RBFOX1: variants seen among roughly 807,000 people sequenced by gnomAD.
The protein encoded by RBFOX1 is RNA binding protein fox-1 homolog 1.
A neutral mutation model predicts 57.7 loss-of-function variants in RBFOX1; 8 were observed. That is an observed-to-expected ratio of 0.14 (90% CI 0.08 to 0.25). The LOEUF (loss-of-function observed/expected upper bound fraction) is 0.25. Ranked by LOEUF, RBFOX1 falls within the 10% of genes least tolerant of loss-of-function variation. RBFOX1 has a pLI of 1.00. For missense variants in RBFOX1, 611 were observed against 548.5 expected (o/e 1.11, Z -1.14); for synonymous variants, 326 against 222.4 (o/e 1.47, Z -4.15).
intron 3 of RBFOX1, among the ~76,000 whole-genome samples, chr16:5,787,099 A>G (rs1370092765): frequency 6.6e-6 from 1 of 152,216 alleles, no homozygotes; most frequent in Non-Finnish European, 1.5e-5. Flanking sequence ...GCGCCACTGC[A>G]TTCCAGCCTG....
intron 2 of RBFOX1, among the ~76,000 whole-genome samples, chr16:5,572,660 C>A (rs1199796138): frequency 6.6e-6 from 1 of 152,132 alleles, no homozygotes; most frequent in Non-Finnish European, 1.5e-5. Flanking sequence ...TGGAGAAAAT[C>A]TGCAGGGGAG....
chr16:5,745,561 A>G (rs939865980), intron 3 of RBFOX1, among the ~76,000 whole-genome samples: 4 of 152,212 alleles, frequency 2.6e-5, no homozygotes, highest in Non-Finnish European at 4.4e-5. Flanking sequence ...TCCCACCAGC[A>G]GTGTAAAAGT....
chr16:6,885,275 C>T (rs541225693), intron 3 of RBFOX1, among the ~76,000 whole-genome samples: 2 of 152,172 alleles, frequency 1.3e-5, no homozygotes, highest in Non-Finnish European at 2.9e-5. Context: ...TGGAAACTTG[C>T]TACAGACGCG....
chr16:5,650,527 C>G (rs1459419083), intron 3 of RBFOX1, among the ~76,000 whole-genome samples: 1 of 152,134 alleles, frequency 6.6e-6, no homozygotes. Flanking sequence ...AAAATCAATT[C>G]ATTCTTTGGC....
At chr16:7,161,671 G>A (rs1394297498) in intron 4 of RBFOX1, among the ~76,000 whole-genome samples, 3 of 152,178 alleles carry the variant, frequency 2.0e-5, no homozygotes, top group Non-Finnish European at 4.4e-5. Flanking sequence ...GTTCACAAAT[G>A]CAGAAATAAG....
At chr16:6,034,647 G>T (rs905205787) in intron 1 of RBFOX1, among the ~76,000 whole-genome samples, 9 of 152,142 alleles carry the variant, frequency 5.9e-5, no homozygotes, top group Non-Finnish European at 1.2e-4. Context: ...AAGTTTGAAC[G>T]TGAATTTTGG....
At chr16:7,279,857 C>G (rs1335895541) in intron 4 of RBFOX1, among the ~76,000 whole-genome samples, 1 of 152,176 alleles carries the variant, frequency 6.6e-6, no homozygotes, top group African/African-American at 2.4e-5. Context: ...AGCCAGCCCT[C>G]AAGGACTCAT....
intron 1 of RBFOX1, among the ~76,000 whole-genome samples, chr16:6,201,252 G>A (rs1046339238): frequency 6.6e-5 from 10 of 152,160 alleles, no homozygotes; most frequent in Non-Finnish European, 1.0e-4. Flanking sequence ...ATTGTGAGCA[G>A]TGCTGCAATG....
At chr16:6,428,337 A>G (rs1377251714) in intron 2 of RBFOX1, among the ~76,000 whole-genome samples, 1 of 151,822 alleles carries the variant, frequency 6.6e-6, no homozygotes, top group African/African-American at 2.4e-5. Flanking sequence ...AGCATTCCAT[A>G]CATTGACTAT....
At chr16:7,145,715 A>G (rs993815018) in intron 4 of RBFOX1, among the ~76,000 whole-genome samples, 5 of 152,148 alleles carry the variant, frequency 3.3e-5, no homozygotes, top group Non-Finnish European at 5.9e-5. Context: ...TAAAAAATGT[A>G]TCTTTAAGCT....
intron 4 of RBFOX1, among the ~76,000 whole-genome samples, chr16:7,460,131 C>G (rs1224640991): frequency 2.6e-5 from 4 of 151,666 alleles, no homozygotes; most frequent in East Asian, 1.9e-4. Context: ...CAATATTTCT[C>G]CTATGCTAGT....
intron 3 of RBFOX1, among the ~76,000 whole-genome samples, chr16:5,859,894 A>G (rs2057166536): frequency 6.6e-6 from 1 of 152,148 alleles, no homozygotes; most frequent in African/African-American, 2.4e-5. Flanking sequence ...GAGTTGACTC[A>G]GGTTTCTTGG....
At chr16:7,137,377 G>A (rs945131555) in intron 4 of RBFOX1, among the ~76,000 whole-genome samples, 7 of 152,126 alleles carry the variant, frequency 4.6e-5, no homozygotes, top group Admixed American at 1.3e-4. Context: ...TCGAATTGTG[G>A]GGGTAGTTTC....
chr16:6,100,519 T>C (rs1382831583), intron 1 of RBFOX1, among the ~76,000 whole-genome samples: 2 of 152,184 alleles, frequency 1.3e-5, no homozygotes, highest in African/African-American at 4.8e-5. Context: ...CTCCACACAC[T>C]AAACACAAAC....
chr16:6,268,952 G>A (rs2074880323), intron 1 of RBFOX1, among the ~76,000 whole-genome samples: 1 of 152,160 alleles, frequency 6.6e-6, no homozygotes. Flanking sequence ...CATAGTGTTT[G>A]CATATAACCT....
At chr16:7,530,024 A>AAAAAAAAAAG (rs1555555166) in intron 5 of RBFOX1, among the ~76,000 whole-genome samples, 69 of 151,244 alleles carry the variant, frequency 4.6e-4, no homozygotes, top group African/African-American at 1.6e-3. Context: ...AAAAAAAAAA[A>AAAAAAAAAAG]GTGAATTTAG....
Position 5,381,345 on chromosome 16 carries a change from A to T in RBFOX1, c.220-85871A>T, listed in dbSNP as rs2066125974. 2.0e-5 allele frequency among the ~76,000 whole-genome samples: 3 copies of T among 152,248 alleles called. No homozygotes were observed. The South Asian group carries it at 6.2e-4, about 32-fold the overall frequency. ...ACGACAATACAAATAATTAATATTT[A>T]TTTAGTATTTACTTAGGGCCAGCTG... On this transcript the variant is annotated intron_variant, in intron 1 of 2. Transcript: ENST00000585867.
intron 4 of RBFOX1, among the ~76,000 whole-genome samples, chr16:7,366,535 C>T (rs965320819): frequency 6.6e-6 from 1 of 152,172 alleles, no homozygotes; most frequent in Non-Finnish European, 1.5e-5. Context: ...TCTGTCCTTC[C>T]TCCCTGGTCC....
At chr16:6,892,988 A>C (rs1047336699) in intron 3 of RBFOX1, among the ~76,000 whole-genome samples, 1 of 152,062 alleles carries the variant, frequency 6.6e-6, no homozygotes, top group Non-Finnish European at 1.5e-5. Flanking sequence ...TTTTAATTGC[A>C]AAAACTACAA....
Sources: gnomAD v4.1 joint callset for allele counts (sites outside exome capture counted in the v4.1 genomes callset) on GRCh38, gnomAD v4.1.1 for gene constraint, MANE v1.5 for transcripts, NCBI Gene and HGNC (gene_info 2026-07-23, HGNC 2026-07-21) for gene names.